PIGU: variants seen among roughly 807,000 people sequenced by gnomAD.
PIGU encodes phosphatidylinositol glycan anchor biosynthesis class U.
PIGU carries 24 observed loss-of-function variants against 49.9 expected under a neutral mutation model. The ratio of observed to expected loss-of-function variants is 0.48; its 90% confidence interval spans 0.35 to 0.68. The LOEUF is 0.68. Ranked by LOEUF, PIGU falls within the 30% of genes least tolerant of loss-of-function variation. The pLI is 0.01. For missense variants in PIGU, 490 were observed against 532.6 expected (o/e 0.92, Z 0.79); for synonymous variants, 220 against 205.7 (o/e 1.07, Z -0.59).
chr20:34,645,476 C>A, intron 2 of PIGU, 142 bp from the exon 3 acceptor site: 1 of 1,200,796 alleles, frequency 8.3e-7, no homozygotes, highest in Non-Finnish European at 1.1e-6. Flanking sequence ...TGTTCTACGC[C>A]AGCTGGCCGG....
At chr20:34,588,680 G>C (rs1027672086) in intron 7 of PIGU, 73 bp from the exon 8 acceptor site, 20 of 1,412,814 alleles carry the variant, frequency 1.4e-5, no homozygotes, top group Non-Finnish European at 1.7e-5. Flanking sequence ...TACACTTAAA[G>C]ATCCCTCCCG....
chr20:34,619,342 G>A (rs574161920), intron 6 of PIGU, among the ~76,000 whole-genome samples: 1 of 152,352 alleles, frequency 6.6e-6, no homozygotes, highest in South Asian at 2.1e-4. Flanking sequence ...GGCAGTGGCA[G>A]TAGTAGGAAA....
chr20:34,605,388 T>G (rs1203599656), intron 7 of PIGU, among the ~76,000 whole-genome samples: 1 of 152,198 alleles, frequency 6.6e-6, no homozygotes, highest in East Asian at 1.9e-4. Flanking sequence ...AATGGAGGCA[T>G]GTTTATAGTG....
At chr20:34,590,636 CACA>C (rs1403732556) in intron 7 of PIGU, among the ~76,000 whole-genome samples, 1 of 150,572 alleles carries the variant, frequency 6.6e-6, no homozygotes, top group African/African-American at 2.4e-5. Context: ...CATAACATAA[CACA>C]ACAACAAAAT....
chr20:34,658,339 G>A (rs867937499), intron 1 of PIGU, among the ~76,000 whole-genome samples: 3 of 152,128 alleles, frequency 2.0e-5, no homozygotes, highest in African/African-American at 2.4e-5. Context: ...ATCTCGGCTC[G>A]CTACAACCTC....
chr20:34,645,228 A>C, intron 3 of PIGU, 47 bp downstream of exon 3: 1 of 1,464,650 alleles, frequency 6.8e-7, no homozygotes. Flanking sequence ...ATAAACCATA[A>C]AATTTAAAAA....
In PIGU at chr20:34,620,827, A is replaced by C. The variant is rs560103220; in HGVS notation, c.530-4688T>G. Among the ~76,000 whole-genome samples, 132 of 151,618 alleles carry C rather than the reference A, an allele frequency of 8.7e-4. 1 individual carries two copies. In the East Asian group the frequency reaches 0.024, roughly 28 times the overall value. On this transcript the variant is annotated intron_variant, in intron 6 of 11. Transcript: ENST00000217446. ...AAAAAAACAAAAAAAAAACAAAAAA[A>C]AAAAAACAAAAAAAACAGTTCCTGA... is the stretch of plus-strand genomic sequence containing the variant.
intron 2 of PIGU, among the ~76,000 whole-genome samples, chr20:34,654,797 G>A (rs1047188904): frequency 8.5e-6 from 1 of 118,314 alleles, no homozygotes; most frequent in Non-Finnish European, 1.8e-5. Flanking sequence ...ACAAGGTCAG[G>A]AGTTCGAGAC....
At chr20:34,601,926 G>A (rs1333748139) in intron 7 of PIGU, among the ~76,000 whole-genome samples, 1 of 152,224 alleles carries the variant, frequency 6.6e-6, no homozygotes, top group Admixed American at 6.5e-5. Flanking sequence ...CCAGTGAACA[G>A]GTGAGATTTC....
intron 7 of PIGU, among the ~76,000 whole-genome samples, chr20:34,610,729 A>G (rs977318584): frequency 1.3e-5 from 2 of 152,208 alleles, no homozygotes; most frequent in African/African-American, 4.8e-5. Flanking sequence ...TGGAACCCCA[A>G]AAGAGCCTGT....
chr20:34,581,006 G>C (rs1983438876), intron 10 of PIGU, among the ~76,000 whole-genome samples: 1 of 152,100 alleles, frequency 6.6e-6, no homozygotes, highest in Non-Finnish European at 1.5e-5. Context: ...TGTCTAGTAT[G>C]GTAGCCTAGC....
chr20:34,645,369 A>G (rs1220711118), intron 2 of PIGU, 35 bp from the exon 3 acceptor site: 2 of 1,546,662 alleles, frequency 1.3e-6, no homozygotes, highest in East Asian at 2.3e-5. Context: ...AAAAAAATTA[A>G]GTTAAACCTT....
At chr20:34,634,840 G>A in intron 5 of PIGU, 125 bp from the exon 6 acceptor site, 1 of 1,424,382 alleles carries the variant, frequency 7.0e-7, no homozygotes, top group Non-Finnish European at 9.3e-7. Flanking sequence ...TCAGAAATGA[G>A]TTCCCCCAAA....
Position 34,560,586 on chromosome 20 carries a change from C to T in PIGU, c.*280G>A, listed in dbSNP as rs554142612. On this transcript the variant is annotated 3_prime_UTR_variant, in exon 12 of 12. Coordinates refer to ENST00000217446, the MANE Select transcript of PIGU (RefSeq NM_080476.5). ...CATTTATTAAGTAGCCACAATCTAACAAGCCCTGCTCACCTGCCTCTTCTC... is the reference window on the plus strand; with the variant it reads ...CATTTATTAAGTAGCCACAATCTAATAAGCCCTGCTCACCTGCCTCTTCTC... 2.4e-6 allele frequency: 1 copy of T among 413,798 alleles called. No homozygotes were observed. Among genetic ancestry groups the T allele is most frequent in the Non-Finnish European group, 4.3e-6 (1 of 233,480 alleles). The allele number at this position is 413,798 out of a possible 1,614,324, so 25.6% of individuals were successfully genotyped here. A position where few individuals can be genotyped will look rare whatever the true frequency, so the allele number is the denominator to read the frequency against.
intron 2 of PIGU, among the ~76,000 whole-genome samples, chr20:34,647,705 T>C (rs1055729236): frequency 2.6e-5 from 4 of 152,190 alleles, no homozygotes; most frequent in African/African-American, 9.6e-5. Flanking sequence ...GGCTTAACTC[T>C]ACTGTGGTAA....
chr20:34,643,166 G>C (rs2146769356), intron 4 of PIGU, among the ~76,000 whole-genome samples: 1 of 152,060 alleles, frequency 6.6e-6, no homozygotes, highest in Non-Finnish European at 1.5e-5. Flanking sequence ...CTAAAATATA[G>C]TTCTTAATTT....
chr20:34,562,078 A>G (rs898430346), intron 11 of PIGU, among the ~76,000 whole-genome samples: 4 of 152,218 alleles, frequency 2.6e-5, no homozygotes, highest in Non-Finnish European at 5.9e-5. Context: ...AAGGGAGCCT[A>G]GAAGCTCAGC....
In PIGU at chr20:34,565,988, C is replaced by G. The variant is rs115195450; in HGVS notation, c.1195-5009G>C. Among the ~76,000 whole-genome samples the G allele has an allele frequency of 2.6e-3, 396 of 152,102 alleles. 1 individual carries two copies. Among genetic ancestry groups the G allele is most frequent in the African/African-American group, 9.2e-3 (380 of 41,486 alleles). On this transcript the variant is annotated intron_variant, in intron 11 of 11. Transcript: ENST00000217446. ...ACGCACACAGGTGCACACATACATG[C>G]AAGCTTGCAATGCTTAGACACACAT...
chr20:34,641,150 C>T (rs6141495), intron 4 of PIGU, among the ~76,000 whole-genome samples: 2 of 152,218 alleles, frequency 1.3e-5, no homozygotes, highest in South Asian at 2.1e-4. Context: ...AACTCCTGAC[C>T]TCGTGATCTG....
Sources: gnomAD v4.1 joint callset for allele counts (sites outside exome capture counted in the v4.1 genomes callset) on GRCh38, gnomAD v4.1.1 for gene constraint, MANE v1.5 for transcripts, NCBI Gene and HGNC (gene_info 2026-07-23, HGNC 2026-07-21) for gene names.